The following CSMD1 variants were observed in gnomAD, a reference collection of about 807,000 sequenced individuals.
CSMD1 encodes CUB and sushi domain-containing protein 1.
CSMD1 carries 213 observed loss-of-function variants against 417.5 expected under a neutral mutation model. The observed-to-expected ratio is 0.51, with a 90% CI of 0.46 to 0.57. The LOEUF (loss-of-function observed/expected upper bound fraction) is 0.57, where lower values mean the gene tolerates loss of function less well. Among genes scored for constraint, CSMD1 ranks in the 20% least tolerant of loss-of-function variants. CSMD1 has a pLI of 0.00. For synonymous variants in CSMD1, 2,862 were observed against 1,736.8 expected, an observed-to-expected ratio of 1.65 and a Z score of -16.11; for missense variants, 6,923 against 4,529.7, an observed-to-expected ratio of 1.53 and a Z score of -15.17.
chr8:4,486,210 TATATATATATATATACATAC>T (rs1563224087), intron 2 of CSMD1, among the ~76,000 whole-genome samples: 9 of 22,560 alleles, frequency 4.0e-4, no homozygotes, highest in African/African-American at 1.8e-3. Context: ...CATACATATA[TATATATATATATATACATAC>T]ATATATATAT....
At chr8:3,946,828 AATGTT>A (rs767401502) in intron 5 of CSMD1, among the ~76,000 whole-genome samples, 5 of 152,042 alleles carry the variant, frequency 3.3e-5, no homozygotes, top group Non-Finnish European at 7.4e-5. Context: ...TAATTCTGTA[AATGTT>A]ATAATTTTAA....
chr8:4,871,212 A>G (rs956389219), intron 1 of CSMD1, among the ~76,000 whole-genome samples: 3 of 152,122 alleles, frequency 2.0e-5, no homozygotes, highest in Admixed American at 2.0e-4. Flanking sequence ...TTGTTCTAAG[A>G]AAGGAAGTGG....
chr8:4,960,508 G>A (rs888392138), intron 1 of CSMD1, among the ~76,000 whole-genome samples: 5 of 152,066 alleles, frequency 3.3e-5, no homozygotes, highest in Non-Finnish European at 7.4e-5. Context: ...ATTCTTCAAG[G>A]AACAAGATAG....
At chr8:4,645,664 G>C (rs1451301838) in intron 1 of CSMD1, among the ~76,000 whole-genome samples, 2 of 152,088 alleles carry the variant, frequency 1.3e-5, no homozygotes, top group African/African-American at 4.8e-5. Context: ...AGCAGGGGTA[G>C]ACACAGAAAA....
chr8:4,645,773 G>C (rs568235306), intron 1 of CSMD1, among the ~76,000 whole-genome samples: 2 of 152,274 alleles, frequency 1.3e-5, no homozygotes, highest in Middle Eastern at 3.4e-3. Flanking sequence ...AGTGGGATTT[G>C]CCCTGTGCCT....
At chr8:4,276,393 A>T (rs889898272) in intron 3 of CSMD1, among the ~76,000 whole-genome samples, 1 of 152,106 alleles carries the variant, frequency 6.6e-6, no homozygotes, top group African/African-American at 2.4e-5. Flanking sequence ...TAAACACCAC[A>T]TGTTTTCACT....
At position 3,243,005 on chromosome 8, in the gene CSMD1, C is replaced by A. The variant is rs546551574; in HGVS notation, c.4154-12774G>T. ...GCCTTCCGTAGTCCGTGACCAGCGC[C>A]GGAGTTTTGAGTCCACGGATAAAAC... is the stretch of plus-strand genomic sequence containing the variant. On this transcript the variant is annotated intron_variant, in intron 26 of 69. Transcript: ENST00000635120. Among the ~76,000 whole-genome samples the A allele has an allele frequency of 5.9e-5, 9 of 152,162 alleles. No individual in the cohort carries two copies. The East Asian group carries it at 7.8e-4, about 13-fold the overall frequency.
chr8:4,119,837 T>C (rs1417039740), intron 3 of CSMD1, among the ~76,000 whole-genome samples: 1 of 152,226 alleles, frequency 6.6e-6, no homozygotes, highest in African/African-American at 2.4e-5. Context: ...TCCTACACGT[T>C]TGTGTATGTT....
chr8:3,874,330 CTAA>C (rs1326063999), intron 5 of CSMD1, among the ~76,000 whole-genome samples: 2 of 152,154 alleles, frequency 1.3e-5, no homozygotes, highest in Non-Finnish European at 2.9e-5. Flanking sequence ...TAACTCTTAT[CTAA>C]AGTGAGGTTT....
At chr8:3,727,316 C>T (rs1365056216) in intron 6 of CSMD1, among the ~76,000 whole-genome samples, 2 of 152,246 alleles carry the variant, frequency 1.3e-5, no homozygotes, top group Non-Finnish European at 2.9e-5. Context: ...CAGAGCCTCC[C>T]GCCTGAACGG....
chr8:4,419,863 G>A lies in CSMD1; in HGVS notation c.415+90C>T, dbSNP rs1424540199. On this transcript the variant is annotated intron_variant, in intron 3 of 69. Coordinates refer to ENST00000635120, the MANE Select transcript of CSMD1 (RefSeq NM_033225.6). ...ACACCACGGAACGACCTGCGACATA[G>A]CAGCCTAGTTTGTCATTATTAATCC... is the stretch of plus-strand genomic sequence containing the variant. The A allele has an allele frequency of 7.8e-6, 7 of 896,414 alleles. No homozygotes were observed. In the East Asian group the frequency reaches 1.1e-4, roughly 14 times the overall value. The allele number at this position is 896,414 out of a possible 1,614,324, so 55.5% of individuals were successfully genotyped here. A position where few individuals can be genotyped will look rare whatever the true frequency, so the allele number is the denominator to read the frequency against.
chr8:3,094,803 A>G (rs1815184671), intron 47 of CSMD1, among the ~76,000 whole-genome samples: 1 of 68,418 alleles, frequency 1.5e-5, no homozygotes, highest in Non-Finnish European at 3.9e-5. Flanking sequence ...CGTCTTACAA[A>G]AAAAAAAAAA....
intron 7 of CSMD1, among the ~76,000 whole-genome samples, chr8:3,694,091 T>C (rs1457293864): frequency 1.3e-5 from 2 of 151,624 alleles, no homozygotes; most frequent in Non-Finnish European, 2.9e-5. Flanking sequence ...GTGTTATGTG[T>C]TGTGTGTGTT....
intron 1 of CSMD1, among the ~76,000 whole-genome samples, chr8:4,710,687 T>C (rs1044582391): frequency 2.0e-5 from 3 of 151,244 alleles, no homozygotes; most frequent in Middle Eastern, 3.4e-3. Context: ...CTACTAAAAA[T>C]ACAAAAAATT....
At chr8:3,291,077 G>A (rs907659180) in intron 25 of CSMD1, among the ~76,000 whole-genome samples, 4 of 152,172 alleles carry the variant, frequency 2.6e-5, no homozygotes, top group African/African-American at 4.8e-5. Context: ...CATCTTTTGA[G>A]ATAATCATGT....
intron 3 of CSMD1, among the ~76,000 whole-genome samples, chr8:4,054,458 T>A (rs1040446936): frequency 3.3e-5 from 5 of 152,118 alleles, no homozygotes; most frequent in African/African-American, 1.2e-4. Context: ...GCAAACTTCT[T>A]CTTAGCAAGA....
chr8:3,776,381 G>A (rs757990212), intron 5 of CSMD1, among the ~76,000 whole-genome samples: 2 of 152,172 alleles, frequency 1.3e-5, no homozygotes, highest in Non-Finnish European at 2.9e-5. Context: ...AGTAAAGCCA[G>A]ACTCTAAAGA....
intron 3 of CSMD1, among the ~76,000 whole-genome samples, chr8:4,182,370 T>A (rs1345722081): frequency 1.3e-5 from 2 of 152,118 alleles, no homozygotes; most frequent in East Asian, 3.9e-4. Flanking sequence ...TTACCCAAAG[T>A]ATATTATCTT....
chr8:3,750,695 G>T (rs1797295562), intron 6 of CSMD1, among the ~76,000 whole-genome samples: 1 of 152,102 alleles, frequency 6.6e-6, no homozygotes, highest in Non-Finnish European at 1.5e-5. Flanking sequence ...GCCCTCTGAA[G>T]GAACAAACTT....
Sources: gnomAD v4.1 joint callset for allele counts (sites outside exome capture counted in the v4.1 genomes callset) on GRCh38, gnomAD v4.1.1 for gene constraint, MANE v1.5 for transcripts, NCBI Gene and HGNC (gene_info 2026-07-23, HGNC 2026-07-21) for gene names.